DOCK4: variants seen among roughly 807,000 people sequenced by gnomAD.
The protein encoded by DOCK4 is dedicator of cytokinesis protein 4.
A neutral mutation model predicts 268.1 loss-of-function variants in DOCK4; 97 were observed. The observed-to-expected ratio is 0.36, with a 90% CI of 0.31 to 0.43. The LOEUF (loss-of-function observed/expected upper bound fraction) is 0.43. Ranked by LOEUF, DOCK4 falls within the 20% of genes least tolerant of loss-of-function variation. DOCK4 has a pLI of 1.00. For missense variants in DOCK4, 2,145 were observed against 2,455.7 expected (o/e 0.87, Z 2.67); for synonymous variants, 954 against 887.2 (o/e 1.08, Z -1.34).
At chr7:112,117,514 G>C (rs1489247265) in intron 1 of DOCK4, among the ~76,000 whole-genome samples, 3 of 152,080 alleles carry the variant, frequency 2.0e-5, no homozygotes, top group Non-Finnish European at 2.9e-5. Context: ...GGGATTAAAC[G>C]TGCCAGCCAC....
chr7:111,995,433 G>GTGTGTGTGTGTGTT (rs1799870752), intron 4 of DOCK4, among the ~76,000 whole-genome samples: 2 of 90,466 alleles, frequency 2.2e-5, no homozygotes, highest in Admixed American at 1.5e-4. Context: ...GTGTGTGTGT[G>GTGTGTGTGTGTGTT]TGTGTGTGTG....
chr7:112,013,562 A>G (rs1466307111), intron 1 of DOCK4, among the ~76,000 whole-genome samples: 1 of 152,064 alleles, frequency 6.6e-6, no homozygotes, highest in African/African-American at 2.4e-5. Context: ...TCTCTTATCT[A>G]TGCCTTTCCC....
At chr7:111,974,627 T>G (rs1798027521) in intron 8 of DOCK4, among the ~76,000 whole-genome samples, 1 of 137,566 alleles carries the variant, frequency 7.3e-6, no homozygotes, top group South Asian at 2.4e-4. Context: ...AAGGCAGAAG[T>G]GAGAGGGAAA....
At chr7:111,989,992 C>T (rs1799393177) in intron 5 of DOCK4, among the ~76,000 whole-genome samples, 1 of 152,204 alleles carries the variant, frequency 6.6e-6, no homozygotes, top group South Asian at 2.1e-4. Context: ...AGCCAAACAA[C>T]TTCAATCTGA....
intron 1 of DOCK4, among the ~76,000 whole-genome samples, chr7:112,059,134 C>CTTTTTTTTTTTTTT (rs572050793): frequency 2.0e-5 from 2 of 98,978 alleles, no homozygotes; most frequent in African/African-American, 5.0e-5. Flanking sequence ...GCAGCATTTC[C>CTTTTTTTTTTTTTT]TTTTTTTTTT....
intron 44 of DOCK4, among the ~76,000 whole-genome samples, chr7:111,745,526 CA>C (rs963334567): frequency 6.7e-6 from 1 of 150,206 alleles, no homozygotes; most frequent in East Asian, 2.0e-4. Flanking sequence ...ACTAAAAATG[CA>C]AAAAAAATTA....
At chr7:112,039,913 C>T (rs2135501085) in intron 1 of DOCK4, among the ~76,000 whole-genome samples, 1 of 152,172 alleles carries the variant, frequency 6.6e-6, no homozygotes, top group South Asian at 2.1e-4. Context: ...CCTCAGTTAG[C>T]ATTTAAGTTT....
At chr7:112,161,727 AG>A (rs1205642855) in intron 1 of DOCK4, among the ~76,000 whole-genome samples, 5 of 152,224 alleles carry the variant, frequency 3.3e-5, no homozygotes, top group Middle Eastern at 3.2e-3. Flanking sequence ...GCTCTGGTAC[AG>A]TCTCTCTGGA....
intron 51 of DOCK4, among the ~76,000 whole-genome samples, chr7:111,733,218 A>G (rs900905610): frequency 6.6e-6 from 1 of 152,206 alleles, no homozygotes; most frequent in Admixed American, 6.5e-5. Flanking sequence ...AAAGAAAGAC[A>G]GTTACAGAGC....
chr7:112,091,022 T>C (rs540755895), intron 1 of DOCK4, among the ~76,000 whole-genome samples: 1 of 152,250 alleles, frequency 6.6e-6, no homozygotes, highest in South Asian at 2.1e-4. Flanking sequence ...TTACGAATCA[T>C]CAGTGGTGGC....
rs779935246 is a variant in DOCK4, at chr7:111,737,288, C to CT, written c.5233-300dup. ...TAAATAGCAGTTGTGCTATGAAGTT[C>CT]TTTTTTTTTCTTTTCTTTTTAGAGA... On this transcript the variant is annotated intron_variant, in intron 49 of 52. Coordinates refer to ENST00000428084, the MANE Select transcript of DOCK4 (RefSeq NM_001363540.2). Among the ~76,000 whole-genome samples, 48 of 151,314 alleles carry CT rather than the reference C, an allele frequency of 3.2e-4. No homozygotes were observed. The East Asian group carries it at 5.1e-3, about 16-fold the overall frequency.
At chr7:111,842,779 G>C (rs1181505688) in intron 25 of DOCK4, among the ~76,000 whole-genome samples, 1 of 152,170 alleles carries the variant, frequency 6.6e-6, no homozygotes, top group East Asian at 1.9e-4. Flanking sequence ...ACTGGCAGTA[G>C]AGACCACATG....
At chr7:112,146,653 G>C (rs1815528232) in intron 1 of DOCK4, among the ~76,000 whole-genome samples, 1 of 152,182 alleles carries the variant, frequency 6.6e-6, no homozygotes. Context: ...GATCACCTGA[G>C]TCTGGGGAGG....
chr7:112,045,625 C>A (rs984993441), intron 1 of DOCK4, among the ~76,000 whole-genome samples: 2 of 152,196 alleles, frequency 1.3e-5, no homozygotes, highest in African/African-American at 2.4e-5. Flanking sequence ...CAAGTCTTTT[C>A]ACCATACATG....
chr7:111,916,194 G>A (rs1239649977), intron 12 of DOCK4, among the ~76,000 whole-genome samples: 1 of 152,080 alleles, frequency 6.6e-6, no homozygotes, highest in African/African-American at 2.4e-5. Flanking sequence ...CCCTAGTCTG[G>A]TGGAGCACGT....
intron 1 of DOCK4, among the ~76,000 whole-genome samples, chr7:112,083,738 C>T (rs1195818881): frequency 6.6e-6 from 1 of 152,016 alleles, no homozygotes; most frequent in Non-Finnish European, 1.5e-5. Context: ...GAACTGATGG[C>T]AGGGATATTA....
intron 17 of DOCK4, 60 bp downstream of exon 17, chr7:111,876,970 T>C: frequency 7.8e-7 from 1 of 1,289,866 alleles, no homozygotes; most frequent in Non-Finnish European, 1.0e-6. Flanking sequence ...CTGAATATGC[T>C]TACCAAAATA....
chr7:112,064,041 G>A (rs1329124074), intron 1 of DOCK4, among the ~76,000 whole-genome samples: 1 of 152,156 alleles, frequency 6.6e-6, no homozygotes, highest in Admixed American at 6.5e-5. Context: ...TCAGACGTGA[G>A]TTTTGATTTG....
chr7:111,804,834 A>C (rs1008614587), intron 30 of DOCK4, among the ~76,000 whole-genome samples: 1 of 152,142 alleles, frequency 6.6e-6, no homozygotes, highest in Non-Finnish European at 1.5e-5. Context: ...TCCTGACCTC[A>C]CGTGATCCAC....
Sources: gnomAD v4.1 joint callset for allele counts (sites outside exome capture counted in the v4.1 genomes callset) on GRCh38, gnomAD v4.1.1 for gene constraint, MANE v1.5 for transcripts, NCBI Gene and HGNC (gene_info 2026-07-23, HGNC 2026-07-21) for gene names.